PCID2: variants seen among roughly 807,000 people sequenced by gnomAD.
The protein encoded by PCID2 is PCI domain-containing protein 2.
Under a neutral mutation model 61.3 loss-of-function variants are expected in PCID2, and 41 were observed. The ratio of observed to expected loss-of-function variants is 0.67; its 90% CI spans 0.52 to 0.87. The LOEUF (loss-of-function observed/expected upper bound fraction) is 0.87. PCID2 is among the 40% of genes least tolerant of loss of function. PCID2 has a pLI of 0.00. For synonymous variants in PCID2, 187 were observed against 177.8 expected, an observed-to-expected ratio of 1.05 and a Z score of -0.41; for missense variants, 392 against 493.4, an observed-to-expected ratio of 0.79 and a Z score of 1.95.
At chr13:113,192,725 C>G (rs1261272500) in intron 6 of PCID2, among the ~76,000 whole-genome samples, 1 of 152,170 alleles carries the variant, frequency 6.6e-6, no homozygotes, top group Admixed American at 6.6e-5. Flanking sequence ...GGGTTTTTAA[C>G]AGTGGTATAT....
chr13:113,187,880 G>A (rs1161721639), intron 7 of PCID2: 1 of 152,094 alleles, frequency 6.6e-6, no homozygotes, highest in Non-Finnish European at 1.5e-5. Flanking sequence ...TTATGCTTTT[G>A]TTGTCGTATC....
chr13:113,181,124 AC>A lies in PCID2; in HGVS notation c.786+5del, dbSNP rs1266599008. 4 of 1,555,194 alleles carry A rather than the reference AC, an allele frequency of 2.6e-6. No individual in the cohort carries two copies. The highest frequency in any genetic ancestry group is 1.7e-4 in the Middle Eastern group (1 of 5,940). On this transcript the variant is annotated splice_donor_5th_base_variant and intron_variant, in intron 10 of 13. Coordinates refer to ENST00000337344, the MANE Select transcript of PCID2 (RefSeq NM_001127202.4). ...GATCTATAAACATGGAGTAATAATC[AC>A]TCACCAATAGCATTTTTACTGGAAG... is the stretch of plus-strand genomic sequence containing the variant.
downstream of PCID2, among the ~76,000 whole-genome samples, chr13:113,175,604 G>C (rs556283646): frequency 6.6e-6 from 1 of 152,264 alleles, no homozygotes; most frequent in South Asian, 2.1e-4. Context: ...CAAAGCCTCC[G>C]CCGGCATGAG....
downstream of PCID2, among the ~76,000 whole-genome samples, chr13:113,174,414 T>A: frequency 6.6e-6 from 1 of 152,226 alleles, no homozygotes; most frequent in South Asian, 2.1e-4. Flanking sequence ...TACTGGCATT[T>A]AATGACATGC....
rs1299179516 is a variant in PCID2, at chr13:113,208,623, A to C, written c.12T>G (p.Ile4Met). 9 of 1,606,734 alleles carry C rather than the reference A, an allele frequency of 5.6e-6. No homozygotes were observed. The highest frequency in any genetic ancestry group is 7.6e-6 in the Non-Finnish European group (9 of 1,177,248). The stretch of plus-strand genomic sequence containing the variant: ...CCTGCTGCAGGTACTGGTTAATGGT[A>C]ATGTGCGCCATGGGAGCGCCGCCGA... MAH[I>M]TINQYLQQVY... The change falls in exon 1 of 14, where the codon ATT (isoleucine) becomes ATG (methionine). Residue 4 changes from isoleucine (I) to methionine (M), a missense_variant. Physicochemically the swap from Ile to Met is conservative, Grantham distance 10. Coordinates refer to ENST00000337344, the MANE Select transcript of PCID2 (RefSeq NM_001127202.4).
At chr13:113,170,396 T>C in the PCID2 span, 3 of 1,437,460 alleles carry the variant, frequency 2.1e-6, no homozygotes, top group Non-Finnish European at 2.9e-6. Flanking sequence ...ATTTATTGTC[T>C]GTTTTGATTT....
intron 1 of PCID2, among the ~76,000 whole-genome samples, chr13:113,204,255 A>G (rs2039638698): frequency 6.6e-6 from 1 of 152,274 alleles, no homozygotes; most frequent in Non-Finnish European, 1.5e-5. Context: ...ACACTTGAGC[A>G]TGATGTTCTG....
chr13:113,173,183 A>G (rs542291657), downstream of PCID2, among the ~76,000 whole-genome samples: 15 of 152,318 alleles, frequency 9.8e-5, no homozygotes, highest in East Asian at 2.7e-3. Context: ...CACCCAGTCC[A>G]TGGTATTTTG....
chr13:113,178,126 G>A lies in PCID2; in HGVS notation c.*72C>T, dbSNP rs112297386. On this transcript the variant is annotated 3_prime_UTR_variant, in exon 14 of 14. Transcript: ENST00000337344. The stretch of plus-strand genomic sequence containing the variant: ...CTTCAGGGAGCCTTGTTGCAGTACC[G>A]GACCGGTCTCATCAGCACAACCAAA... 7.0e-5 allele frequency: 78 copies of A among 1,109,084 alleles called. No homozygotes were observed. The highest frequency in any genetic ancestry group is 5.7e-4 in the Admixed American group (32 of 55,952). 68.7% of individuals were successfully genotyped at this position (1,109,084 alleles called of 1,614,324 possible).
the PCID2 span, chr13:113,172,223 A>G: frequency 4.2e-6 from 6 of 1,420,600 alleles, no homozygotes; most frequent in Non-Finnish European, 5.8e-6. Flanking sequence ...ACAGCCCCAG[A>G]CCACCCGCTT....
chr13:113,185,894 A>G lies in PCID2; in HGVS notation c.468-334T>C, dbSNP rs377479638. 6 of 200,640 alleles carry G rather than the reference A, an allele frequency of 3.0e-5. No individual in the cohort carries two copies. In the East Asian group the frequency reaches 5.1e-4, roughly 17 times the overall value. The allele number at this position is 200,640 out of a possible 1,614,324, so 12.4% of individuals were successfully genotyped here. ...GTTAATTGTTATAAACCGTTTTTGA[A>G]AAATGGAAAAATAGGGCATGGTGGT... On this transcript the variant is annotated intron_variant, in intron 7 of 13. Transcript: ENST00000337344.
chr13:113,178,835 C>G (rs2037349859), intron 13 of PCID2, 131 bp downstream of exon 13: 1 of 795,338 alleles, frequency 1.3e-6, no homozygotes, highest in East Asian at 2.8e-5. Context: ...ATTTCCTGGG[C>G]TAAAATTAGT....
intron 1 of PCID2, among the ~76,000 whole-genome samples, chr13:113,202,951 T>C (rs2039538524): frequency 6.6e-6 from 1 of 152,212 alleles, no homozygotes; most frequent in African/African-American, 2.4e-5. Context: ...TTGTGGAATT[T>C]GACTGTCCTT....
chr13:113,172,352 A>G, the PCID2 span: 1 of 541,476 alleles, frequency 1.8e-6, no homozygotes, highest in Non-Finnish European at 3.3e-6. Flanking sequence ...GATACGTTAA[A>G]TAATAAAATA....
intron 8 of PCID2, among the ~76,000 whole-genome samples, chr13:113,185,232 C>G (rs2038003021): frequency 6.6e-6 from 1 of 152,236 alleles, no homozygotes; most frequent in Admixed American, 6.5e-5. Flanking sequence ...CACACAGGGG[C>G]CTTCGTTTCC....
the PCID2 span, among the ~76,000 whole-genome samples, chr13:113,167,007 A>T: frequency 6.6e-6 from 1 of 152,222 alleles, no homozygotes. Context: ...ACATACTATT[A>T]GATTTTTTAC....
rs72665205 is a variant in PCID2 at position 113,193,934 on chromosome 13, G to A, written c.363+1137C>T. Among the ~76,000 whole-genome samples, 706 of 152,306 alleles carry A rather than the reference G, an allele frequency of 4.6e-3. 1 individual carries two copies. Among genetic ancestry groups the A allele is most frequent in the South Asian group, 9.7e-3 (47 of 4,822 alleles). On this transcript the variant is annotated intron_variant, in intron 6 of 13. Coordinates refer to ENST00000337344, the MANE Select transcript of PCID2 (RefSeq NM_001127202.4). ...CTCATTTGAAATCTCTGAAAGTTGA[G>A]ATTTTCCTGGTAATCAGTGTCGATT...
Position 113,179,466 on chromosome 13 carries a change from G to A in PCID2, c.987-377C>T, listed in dbSNP as rs2037417908. 6.6e-6 allele frequency among the ~76,000 whole-genome samples: 1 copy of A among 152,122 alleles called. No homozygotes were observed. Among genetic ancestry groups the A allele is most frequent in the Admixed American group, 6.5e-5 (1 of 15,270 alleles). ...CTCTATACAAAGTTGGCCTTTGCCT[G>A]AAGTTTACACAACTGAGATCCTGCT... On this transcript the variant is annotated intron_variant, in intron 12 of 13. Coordinates refer to ENST00000337344, the MANE Select transcript of PCID2 (RefSeq NM_001127202.4). This position sits in a 1 kb window ranked among gnomAD's most constrained non-coding sequence, Gnocchi z 4.3.
chr13:113,191,496 G>C (rs2038614449), intron 6 of PCID2, among the ~76,000 whole-genome samples: 1 of 152,138 alleles, frequency 6.6e-6, no homozygotes, highest in Non-Finnish European at 1.5e-5. Context: ...ATTATTTCAA[G>C]TTAAGTCAGT....
Sources: allele counts gnomAD v4.1 joint callset (sites outside exome capture counted in the v4.1 genomes callset), GRCh38; gene constraint gnomAD v4.1.1; non-coding constraint Gnocchi (gnomAD v3.1); transcripts MANE v1.5; gene names NCBI Gene and HGNC (gene_info 2026-07-23, HGNC 2026-07-21).